TIMM44: variants seen among roughly 807,000 people sequenced by gnomAD.
The protein encoded by TIMM44 is translocase of inner mitochondrial membrane 44.
A neutral mutation model predicts 63.8 loss-of-function variants in TIMM44; 37 were observed. The observed-to-expected ratio is 0.58, with a 90% CI of 0.45 to 0.76. The LOEUF (loss-of-function observed/expected upper bound fraction) is 0.76. Ranked by LOEUF, TIMM44 falls within the 30% of genes least tolerant of loss-of-function variation. The pLI is 0.00. For synonymous variants in TIMM44, 239 were observed against 245.1 expected (o/e 0.98, Z 0.23); for missense variants, 573 against 603.8 (o/e 0.95, Z 0.54).
intron 9 of TIMM44, chr19:7,931,419 G>A (rs1983979377): frequency 1.8e-6 from 1 of 556,356 alleles, no homozygotes; most frequent in Non-Finnish European, 3.3e-6. Flanking sequence ...CGGCCTGCGG[G>A]CGACCACCCA....
chr19:7,927,623 T>A (rs1381806382), intron 12 of TIMM44, 34 bp downstream of exon 12: 1 of 1,583,720 alleles, frequency 6.3e-7, no homozygotes, highest in Non-Finnish European at 8.7e-7. Context: ...ACAGGCGGTG[T>A]CATGTGCCTG....
intron 1 of TIMM44, among the ~76,000 whole-genome samples, chr19:7,942,193 A>C (rs185038569): frequency 6.6e-6 from 1 of 152,250 alleles, no homozygotes; most frequent in East Asian, 1.9e-4. Context: ...CCAAAAATAC[A>C]AAAATTAGCC....
At chr19:7,927,986 C>A in intron 11 of TIMM44, 91 bp downstream of exon 11, 2 of 1,331,010 alleles carry the variant, frequency 1.5e-6, no homozygotes, top group Non-Finnish European at 2.1e-6. Context: ...CCCATGGCCC[C>A]CAGCCCCTGG....
intron 10 of TIMM44, chr19:7,928,409 C>A (rs1347658440): frequency 1.9e-6 from 1 of 537,296 alleles, no homozygotes; most frequent in Non-Finnish European, 3.3e-6. Context: ...GATTAATCAG[C>A]AAAGTGGGTG....
intron 1 of TIMM44, among the ~76,000 whole-genome samples, chr19:7,941,447 C>A (rs1048325833): frequency 6.6e-6 from 1 of 151,954 alleles, no homozygotes; most frequent in Non-Finnish European, 1.5e-5. Flanking sequence ...GCCATCACAT[C>A]CGGCTAATAT....
intron 9 of TIMM44, among the ~76,000 whole-genome samples, chr19:7,931,993 GGA>G (rs1983998773): frequency 6.6e-6 from 1 of 152,250 alleles, no homozygotes; most frequent in Admixed American, 6.5e-5. Context: ...GGCCAAGGAT[GGA>G]GAGTCCCATG....
At chr19:7,927,896 C>T (rs933888805) in intron 11 of TIMM44, 129 bp from the exon 12 acceptor site, 14 of 1,137,718 alleles carry the variant, frequency 1.2e-5, no homozygotes, top group East Asian at 5.1e-5. Context: ...GGTCCCTCCC[C>T]GTGGGCCTTG....
At chr19:7,936,223 G>A (rs895334459) in intron 3 of TIMM44, among the ~76,000 whole-genome samples, 1 of 152,206 alleles carries the variant, frequency 6.6e-6, no homozygotes, top group Non-Finnish European at 1.5e-5. Flanking sequence ...GGCCAAGGCG[G>A]ATGGATCACC....
chr19:7,936,973 G>A (rs1206380932), intron 3 of TIMM44, among the ~76,000 whole-genome samples: 1 of 151,998 alleles, frequency 6.6e-6, no homozygotes, highest in Non-Finnish European at 1.5e-5. Context: ...GTAGTGGTGT[G>A]TGTCTGTAAT....
At position 7,928,146 on chromosome 19, in the gene TIMM44, G is replaced by A; in HGVS notation, c.1059C>T (p.His353=). 1 of 1,613,898 alleles carries A rather than the reference G, an allele frequency of 6.2e-7. No homozygotes were observed. Among genetic ancestry groups the A allele is most frequent in the Non-Finnish European group, 8.5e-7 (1 of 1,179,906 alleles). The change falls in exon 11 of 13, where the codon CAC becomes CAT. Residue 353 remains histidine (H), a synonymous_variant. Coordinates refer to ENST00000270538, the MANE Select transcript of TIMM44 (RefSeq NM_006351.4). The stretch of plus-strand genomic sequence containing the variant: ...CCAGTGCCTTGGCCTGCTGGATGGG[G>A]TGGGCCAGCTGGCTGTAAGTCTGCA... ...CYEATYSQLA[H]PIQQAKALGL... is the part of the protein sequence containing the mutation.
Position 7,935,068 on chromosome 19 carries a change from C to T in TIMM44, c.390G>A (p.Lys130=), listed in dbSNP as rs764046116. 37 of 1,612,784 alleles carry T rather than the reference C, an allele frequency of 2.3e-5. No homozygotes were observed. Among genetic ancestry groups the T allele is most frequent in the Admixed American group, 1.2e-4 (7 of 59,896 alleles). Residue 130 remains lysine, a synonymous_variant, in exon 4 of 13, where the codon AAG becomes AAA. Coordinates refer to ENST00000270538, the MANE Select transcript of TIMM44 (RefSeq NM_006351.4). ...CAGGCGGGCGTGGAACTGTTACCTC[C>T]TTCACGGTGCCCGTCAGCTCCCCAA... ...KKLGELTGTV[K]ESLHEVSKSD... is the part of the protein sequence containing the mutation.
At chr19:7,929,952 G>A (rs549789876) in intron 10 of TIMM44, among the ~76,000 whole-genome samples, 3 of 151,488 alleles carry the variant, frequency 2.0e-5, no homozygotes, top group African/African-American at 4.9e-5. Context: ...GGGTTCTAGC[G>A]ATTCTCCTGC....
rs754662926 is a variant in TIMM44, at chr19:7,932,889, C to T, written c.813G>A (p.Ala271=). ...MKMKYDESDN[A]FIRASRALTD... is the part of the protein sequence containing the mutation. ...TAAGGGCCCGGGATGCCCGGATGAA[C>T]GCGTTGTCGCTTTCGTCATACTTCA... The change falls in exon 8 of 13, where the codon GCG becomes GCA. Residue 271 remains alanine (A), a synonymous_variant. Transcript: ENST00000270538. The T allele has an allele frequency of 1.5e-5, 24 of 1,614,100 alleles. No homozygotes were observed. The highest frequency in any genetic ancestry group is 2.2e-5 in the East Asian group (1 of 44,890).
Position 7,933,977 on chromosome 19 carries a change from A to G in TIMM44, c.570T>C (p.Ile190=). ...CGGTCTGTCCCAGGACGCTGTCGTC[A>G]ATTTCCTTCTTCACGGACTCCACCC... ...SQGVESVKKE[I]DDSVLGQTGP... The change falls in exon 6 of 13, where the codon ATT becomes ATC. Residue 190 remains isoleucine, a synonymous_variant. Coordinates refer to ENST00000270538, the MANE Select transcript of TIMM44 (RefSeq NM_006351.4). The surrounding 1 kb of genome is among the most constrained non-coding windows in gnomAD (Gnocchi z 4.3). 2 of 1,614,014 alleles carry G rather than the reference A, an allele frequency of 1.2e-6. No homozygotes were observed. The highest frequency in any genetic ancestry group is 1.7e-6 in the Non-Finnish European group (2 of 1,179,992).
chr19:7,930,609 T>C (rs1983953195), intron 10 of TIMM44, among the ~76,000 whole-genome samples: 1 of 152,160 alleles, frequency 6.6e-6, no homozygotes. Context: ...CCCTGCCACT[T>C]GGCTCATTTT....
chr19:7,937,968 A>G, intron 3 of TIMM44, 59 bp downstream of exon 3: 1 of 1,604,074 alleles, frequency 6.2e-7, no homozygotes, highest in South Asian at 1.1e-5. Flanking sequence ...CAGTGAGCCG[A>G]GATCGCACCA....
chr19:7,931,058 G>T (rs1355812474), intron 10 of TIMM44, 80 bp downstream of exon 10: 1 of 1,387,698 alleles, frequency 7.2e-7, no homozygotes, highest in African/African-American at 1.5e-5. Context: ...CTACCCCAAC[G>T]GAGCCACCGA....
At chr19:7,932,224 C>A in intron 9 of TIMM44, 1 of 253,254 alleles carries the variant, frequency 3.9e-6, no homozygotes, top group Non-Finnish European at 7.8e-6. Flanking sequence ...CGTGAGGGAA[C>A]CTCACGGCTG....
At position 7,935,149 on chromosome 19, in the gene TIMM44, G is replaced by A. The variant is rs2145177460; in HGVS notation, c.313-4C>T. 5.7e-6 allele frequency: 9 copies of A among 1,578,110 alleles called. No homozygotes were observed. The highest frequency in any genetic ancestry group is 4.5e-5 in the East Asian group (2 of 44,678). On this transcript the variant is annotated splice_region_variant and splice_polypyrimidine_tract_variant and intron_variant, in intron 3 of 12. Transcript: ENST00000270538. ...CGGTTTCTGACTCGATGGTTTTCTA[G>A]GTAAAGAGCGCTGTGTCCTTTTTTT...
Sources: allele counts gnomAD v4.1 joint callset (sites outside exome capture counted in the v4.1 genomes callset), GRCh38; gene constraint gnomAD v4.1.1; non-coding constraint Gnocchi (gnomAD v3.1); transcripts MANE v1.5; gene names NCBI Gene and HGNC (gene_info 2026-07-23, HGNC 2026-07-21).